Variants in IL16 observed in about 807,000 individuals in gnomAD.
IL16 encodes interleukin 16.
Under a neutral mutation model 110.1 loss-of-function variants are expected in IL16, and 67 were observed. The observed-to-expected ratio is 0.61, with a 90% CI of 0.50 to 0.75. The LOEUF (loss-of-function observed/expected upper bound fraction) is 0.75, where lower values mean the gene tolerates loss of function less well. IL16 is among the 30% of genes least tolerant of loss of function. The pLI is 0.00. For synonymous variants in IL16, 689 were observed against 662.9 expected, an observed-to-expected ratio of 1.04 and a Z score of -0.61; for missense variants, 1,545 against 1,655.0, an observed-to-expected ratio of 0.93 and a Z score of 1.15.
intron 9 of IL16, among the ~76,000 whole-genome samples, 190 bp downstream of exon 9, chr15:81,282,946 C>T (rs529052701): frequency 1.3e-5 from 2 of 152,294 alleles, no homozygotes; most frequent in South Asian, 2.1e-4. Context: ...TCCTTCCTGC[C>T]CCCCAGGACA....
At chr15:81,195,804 A>G (rs1489108618), upstream of IL16, among the ~76,000 whole-genome samples, 1 of 152,146 alleles carries the variant, frequency 6.6e-6, no homozygotes, top group African/African-American at 2.4e-5. Flanking sequence ...TGAGCTTAGG[A>G]GAGATGTGTG....
Position 81,205,936 on chromosome 15 carries a change from G to C in IL16, c.-102+8784G>C, listed in dbSNP as rs534310087. ...ATCAAGAATTACTTTTTTACAAAAT[G>C]ATAAAAAGAGCACTCAATGAAGGCA... On this transcript the variant is annotated intron_variant, in intron 1 of 18. Transcript: ENST00000683961. Among the ~76,000 whole-genome samples, 6 of 152,208 alleles carry C rather than the reference G, an allele frequency of 3.9e-5. No individual in the cohort carries two copies. The South Asian group carries it at 8.3e-4, about 21-fold the overall frequency.
chr15:81,216,189 G>A (rs557725411), intron 1 of IL16, among the ~76,000 whole-genome samples: 1 of 152,186 alleles, frequency 6.6e-6, no homozygotes, highest in Non-Finnish European at 1.5e-5. Context: ...GAGCTGTCCT[G>A]TGCACACAAA....
intron 1 of IL16, among the ~76,000 whole-genome samples, chr15:81,221,444 G>A (rs1240433603): frequency 6.6e-6 from 1 of 152,174 alleles, no homozygotes; most frequent in Non-Finnish European, 1.5e-5. Context: ...TGGAGGAATG[G>A]CATGGGCTTG....
At chr15:81,225,215 C>T (rs972908672) in intron 1 of IL16, 84 bp from the exon 2 acceptor site, 10 of 1,146,888 alleles carry the variant, frequency 8.7e-6, no homozygotes, top group East Asian at 2.6e-5. Flanking sequence ...ACCAAGAACC[C>T]GTGGCTCAGA....
rs117525623 is a variant in IL16 at position 81,286,021 on chromosome 15, G to T, written c.1332+191G>T. On this transcript the variant is annotated intron_variant, in intron 10 of 18. Transcript: ENST00000683961. ...ACTAACAAACTCCTAGATATCAGAG[G>T]CAATTGACATTAACTTAGGGAAGCT... Among the ~76,000 whole-genome samples, 6 of 152,310 alleles carry T rather than the reference G, an allele frequency of 3.9e-5. No homozygotes were observed. In the East Asian group the frequency reaches 1.2e-3, roughly 29 times the overall value.
chr15:81,236,252 TG>T (rs1457151611), intron 2 of IL16, among the ~76,000 whole-genome samples: 2 of 152,254 alleles, frequency 1.3e-5, no homozygotes, highest in Admixed American at 1.3e-4. Flanking sequence ...ACTCAGCCTG[TG>T]GCTTTGGGGC....
intron 1 of IL16, among the ~76,000 whole-genome samples, chr15:81,224,283 G>A (rs1033420308): frequency 5.3e-5 from 8 of 152,220 alleles, no homozygotes; most frequent in Non-Finnish European, 1.0e-4. Flanking sequence ...GTACCAATGG[G>A]CCAAGAGCAT....
chr15:81,313,379 G>A lies in IL16; in HGVS notation c.*4581G>A. On this transcript the variant is annotated 3_prime_UTR_variant, in exon 19 of 19. Coordinates refer to ENST00000683961, the MANE Select transcript of IL16 (RefSeq NM_172217.5). ...CGCTGAGGTCGGTATGGAAGAATGT[G>A]ACCAGGTTGGTCTTGGTGGGTTCCC... 1 of 1,569,600 alleles carries A rather than the reference G, an allele frequency of 6.4e-7. No homozygotes were observed. The highest frequency in any genetic ancestry group is 1.2e-5 in the South Asian group (1 of 83,454).
At position 81,311,711 on chromosome 15, in the gene IL16, A is replaced by ATTGGCTGAACTCATG. The variant is rs1900863274; in HGVS notation, c.*2913_*2914insTTGGCTGAACTCATG. ...CCTAGAATTGGCTGAACTCATGAGA[A>ATTGGCTGAACTCATG]GTTGATATAGAACAGTGCTTGCCAC... On this transcript the variant is annotated 3_prime_UTR_variant, in exon 19 of 19. Coordinates refer to ENST00000683961, the MANE Select transcript of IL16 (RefSeq NM_172217.5). 1 of 152,230 alleles carries ATTGGCTGAACTCATG rather than the reference A, an allele frequency of 6.6e-6. No individual in the cohort carries two copies. The highest frequency in any genetic ancestry group is 2.1e-4 in the South Asian group (1 of 4,828). The allele number at this position is 152,230 out of a possible 1,614,324, so 9.4% of individuals were successfully genotyped here.
At chr15:81,226,965 T>C (rs933351383) in intron 2 of IL16, among the ~76,000 whole-genome samples, 1 of 152,260 alleles carries the variant, frequency 6.6e-6, no homozygotes, top group African/African-American at 2.4e-5. Flanking sequence ...ATTATTCACA[T>C]GCTTCCTCTT....
chr15:81,206,627 C>T (rs1185756107), intron 1 of IL16, among the ~76,000 whole-genome samples: 2 of 152,054 alleles, frequency 1.3e-5, no homozygotes, highest in Admixed American at 6.5e-5. Flanking sequence ...TCCTGTGGCA[C>T]GATGCAATTA....
At chr15:81,283,116 C>A (rs1323111641) in intron 9 of IL16, among the ~76,000 whole-genome samples, 1 of 152,194 alleles carries the variant, frequency 6.6e-6, no homozygotes, top group Non-Finnish European at 1.5e-5. Context: ...CACAGCAGAG[C>A]CAGGTGTGGG....
At position 81,313,290 on chromosome 15, in the gene IL16, T is replaced by A; in HGVS notation, c.*4492T>A. ...GAATTGCTTCACTGCTTTCTGAAGG[T>A]TGGCATAAAACCGGGTCATGCTGCG... is the stretch of plus-strand genomic sequence containing the variant. On this transcript the variant is annotated 3_prime_UTR_variant, in exon 19 of 19. Transcript: ENST00000683961. 1 of 1,578,828 alleles carries A rather than the reference T, an allele frequency of 6.3e-7. No homozygotes were observed. Among genetic ancestry groups the A allele is most frequent in the Non-Finnish European group, 8.6e-7 (1 of 1,163,340 alleles).
chr15:81,300,162 T>C lies in IL16; in HGVS notation c.2836T>C (p.Ser946Pro). The part of the protein sequence containing the change: ...PGPDPLLRLL[S>P]TQAEESQGPV... The stretch of plus-strand genomic sequence containing the variant: ...CCCGGACCCGCTCCTAAGGCTGCTG[T>C]CAACACAGGCTGAGGAATCTCAAGG... Residue 946 changes from serine to proline, a missense_variant, in exon 14 of 19, where the codon TCA (serine) becomes CCA (proline). Coordinates refer to ENST00000683961, the MANE Select transcript of IL16 (RefSeq NM_172217.5). The C allele has an allele frequency of 6.2e-7, 1 of 1,614,000 alleles. No individual in the cohort carries two copies. The highest frequency in any genetic ancestry group is 8.5e-7 in the Non-Finnish European group (1 of 1,179,946).
chr15:81,279,960 C>A (rs765753793), intron 8 of IL16, among the ~76,000 whole-genome samples, 186 bp downstream of exon 8: 2 of 152,180 alleles, frequency 1.3e-5, no homozygotes, highest in African/African-American at 4.8e-5. Flanking sequence ...CCATTCGAAC[C>A]TAGTCAATGT....
intron 9 of IL16, among the ~76,000 whole-genome samples, chr15:81,283,423 A>G (rs1028050679): frequency 3.3e-5 from 5 of 152,050 alleles, no homozygotes; most frequent in African/African-American, 1.2e-4. Flanking sequence ...GTGTTCCTCA[A>G]AGTGTGGTCT....
intron 12 of IL16, among the ~76,000 whole-genome samples, chr15:81,294,980 G>A (rs1427297249): frequency 6.6e-6 from 1 of 152,006 alleles, no homozygotes; most frequent in Admixed American, 6.6e-5. Flanking sequence ...TGCTATGGAT[G>A]ACCCCCAAGT....
chr15:81,278,116 G>A (rs1170945329), intron 6 of IL16, among the ~76,000 whole-genome samples: 2 of 151,764 alleles, frequency 1.3e-5, no homozygotes, highest in Admixed American at 6.6e-5. Flanking sequence ...TTTCTCTATT[G>A]TAAAATGGGG....
Sources: gnomAD v4.1 joint callset for allele counts (sites outside exome capture counted in the v4.1 genomes callset) on GRCh38, gnomAD v4.1.1 for gene constraint, MANE v1.5 for transcripts, NCBI Gene and HGNC (gene_info 2026-07-23, HGNC 2026-07-21) for gene names.